Variants in HIKESHI observed in about 807,000 individuals in gnomAD.
HIKESHI encodes protein Hikeshi.
A neutral mutation model predicts 25.7 loss-of-function variants in HIKESHI; 13 were observed. The observed-to-expected ratio is 0.51, with a 90% CI of 0.33 to 0.80. The LOEUF is 0.80. Ranked by LOEUF, HIKESHI falls within the 30% of genes least tolerant of loss-of-function variation. The pLI, the probability that HIKESHI is intolerant of heterozygous loss-of-function variation, is 0.02. For missense variants in HIKESHI, 174 were observed against 229.5 expected (o/e 0.76, Z 1.56); for synonymous variants, 76 against 78.7 (o/e 0.97, Z 0.18).
At chr11:86,318,386 TC>T (rs2138339356) in intron 2 of HIKESHI, among the ~76,000 whole-genome samples, 1 of 150,142 alleles carries the variant, frequency 6.7e-6, no homozygotes, top group East Asian at 2.0e-4. Context: ...AAAATATACC[TC>T]TTCCTTCCTC....
intron 4 of HIKESHI, 110 bp from the exon 5 acceptor site, chr11:86,345,474 G>A: frequency 1.6e-6 from 1 of 643,446 alleles, no homozygotes; most frequent in South Asian, 2.0e-5. Flanking sequence ...ATTTTTTATA[G>A]CTTTTTAGAA....
chr11:86,319,967 C>G (rs1029806722), intron 2 of HIKESHI, among the ~76,000 whole-genome samples: 2 of 152,078 alleles, frequency 1.3e-5, no homozygotes, highest in Non-Finnish European at 2.9e-5. Context: ...TCTGTAAAGT[C>G]TGTAGAGATA....
chr11:86,316,305 A>C (rs901500759), intron 2 of HIKESHI, among the ~76,000 whole-genome samples: 10 of 151,586 alleles, frequency 6.6e-5, no homozygotes, highest in African/African-American at 2.4e-4. Context: ...TAAGGTCAGA[A>C]GTTCAAGACC....
chr11:86,329,712 T>A (rs1329087922), intron 2 of HIKESHI, among the ~76,000 whole-genome samples: 3 of 152,128 alleles, frequency 2.0e-5, no homozygotes, highest in Non-Finnish European at 4.4e-5. Context: ...TCTGAGTTTG[T>A]ATAAATTGAT....
intron 2 of HIKESHI, among the ~76,000 whole-genome samples, chr11:86,317,167 A>G (rs1947009088): frequency 2.0e-5 from 3 of 152,144 alleles, no homozygotes; most frequent in Admixed American, 2.0e-4. Flanking sequence ...AAAAATTAGA[A>G]AATTAGATTA....
At position 86,341,415 on chromosome 11, in the gene HIKESHI, G is replaced by A. The variant is rs1346523654; in HGVS notation, c.421-3188G>A. Among the ~76,000 whole-genome samples the A allele has an allele frequency of 3.3e-5, 5 of 149,890 alleles. No homozygotes were observed. The East Asian group carries it at 9.7e-4, about 29-fold the overall frequency. ...AATTTATGCTCAAACTCTACTAAGT[G>A]TAAATTCTCATTCAGTTTATTTAAA... On this transcript the variant is annotated intron_variant, in intron 3 of 4. Transcript: ENST00000278483.
chr11:86,313,225 T>A (rs1367402517), intron 2 of HIKESHI, among the ~76,000 whole-genome samples: 3 of 152,194 alleles, frequency 2.0e-5, no homozygotes, highest in African/African-American at 7.2e-5. Context: ...TTTTTAAAAA[T>A]TTTTAATTAT....
chr11:86,328,789 C>T (rs1947347858), intron 2 of HIKESHI, among the ~76,000 whole-genome samples: 1 of 151,864 alleles, frequency 6.6e-6, no homozygotes, highest in Admixed American at 6.6e-5. Flanking sequence ...GTTGGCTAGG[C>T]TGGTCTTGAA....
intron 3 of HIKESHI, among the ~76,000 whole-genome samples, chr11:86,340,526 A>G (rs1422343930): frequency 1.3e-5 from 2 of 152,214 alleles, no homozygotes; most frequent in African/African-American, 4.8e-5. Flanking sequence ...TTTTTCATGT[A>G]TCTGTTGGCT....
intron 2 of HIKESHI, among the ~76,000 whole-genome samples, chr11:86,308,871 C>T (rs1003232341): frequency 5.3e-5 from 8 of 152,068 alleles, no homozygotes; most frequent in Non-Finnish European, 7.4e-5. Context: ...TTTCCAGCTT[C>T]ATCCATGTCC....
chr11:86,315,328 C>CTTT (rs374495582), intron 2 of HIKESHI, among the ~76,000 whole-genome samples: 1 of 149,076 alleles, frequency 6.7e-6, no homozygotes, highest in Non-Finnish European at 1.5e-5. Flanking sequence ...AAATAACTTC[C>CTTT]TTTTTTTTTT....
chr11:86,345,300 T>C, intron 4 of HIKESHI: 4 of 348,662 alleles, frequency 1.1e-5, no homozygotes, highest in Non-Finnish European at 1.9e-5. Context: ...ATTTTTTTCC[T>C]TAGGTCCCTT....
chr11:86,317,624 G>A (rs975698286), intron 2 of HIKESHI, among the ~76,000 whole-genome samples: 1 of 152,036 alleles, frequency 6.6e-6, no homozygotes, highest in Admixed American at 6.6e-5. Context: ...GGCCAATATG[G>A]TGAAACCTTG....
At chr11:86,318,944 T>A (rs1947070917) in intron 2 of HIKESHI, among the ~76,000 whole-genome samples, 1 of 152,136 alleles carries the variant, frequency 6.6e-6, no homozygotes, top group African/African-American at 2.4e-5. Context: ...AGAGACAGGA[T>A]CTTACTCTGT....
intron 2 of HIKESHI, among the ~76,000 whole-genome samples, chr11:86,311,934 A>G (rs1385553050): frequency 6.6e-6 from 1 of 152,162 alleles, no homozygotes; most frequent in Non-Finnish European, 1.5e-5. Context: ...ACAGTTTGTT[A>G]TAATTTTTTT....
chr11:86,306,410 G>A lies in HIKESHI; in HGVS notation c.196G>A (p.Val66Ile), dbSNP rs772528591. The A allele has an allele frequency of 1.2e-6, 2 of 1,614,024 alleles. No individual in the cohort carries two copies. The highest frequency in any genetic ancestry group is 1.1e-5 in the South Asian group (1 of 91,090). The change falls in exon 2 of 5, where the codon GTA becomes ATA. Residue 66 changes from valine (V) to isoleucine (I), a missense_variant. Val to Ile is a conservative substitution (Grantham distance 29). Transcript: ENST00000278483. ...TTATCCTGATTCAAATGGAATGCCAGTATGGCAACTCCTAGGATTTGTCAC... is the reference window on the plus strand; with the variant it reads ...TTATCCTGATTCAAATGGAATGCCAATATGGCAACTCCTAGGATTTGTCAC... ...FSYPDSNGMP[V>I]WQLLGFVTNG...
intron 2 of HIKESHI, among the ~76,000 whole-genome samples, chr11:86,328,282 G>C (rs1185703691): frequency 6.6e-6 from 1 of 150,952 alleles, no homozygotes; most frequent in African/African-American, 2.4e-5. Flanking sequence ...TTTTTGAGAT[G>C]GAGTCTCACT....
intron 3 of HIKESHI, among the ~76,000 whole-genome samples, chr11:86,339,759 A>G (rs1409602351): frequency 6.6e-6 from 1 of 151,892 alleles, no homozygotes; most frequent in African/African-American, 2.4e-5. Flanking sequence ...GTTTTTTTTT[A>G]TTATACTTTA....
intron 2 of HIKESHI, among the ~76,000 whole-genome samples, chr11:86,308,388 A>T (rs971304230): frequency 2.9e-5 from 4 of 139,982 alleles, no homozygotes; most frequent in East Asian, 2.0e-4. Context: ...ATATATAAAA[A>T]ATATATACAC....
Sources: gnomAD v4.1 joint callset for allele counts (sites outside exome capture counted in the v4.1 genomes callset) on GRCh38, gnomAD v4.1.1 for gene constraint, MANE v1.5 for transcripts, NCBI Gene and HGNC (gene_info 2026-07-23, HGNC 2026-07-21) for gene names.